The following ADGRB3 variants were observed in gnomAD, a reference collection of about 807,000 sequenced individuals.
ADGRB3 encodes adhesion G protein-coupled receptor B3, also known as brain-specific angiogenesis inhibitor 3.
In ADGRB3, 37 loss-of-function variants were observed where a neutral mutation model predicts 193.4. The observed-to-expected ratio is 0.19, with a 90% CI of 0.15 to 0.25. The LOEUF is 0.25. ADGRB3 is among the 10% of genes least tolerant of loss of function. The pLI is 1.00. For synonymous variants in ADGRB3, 690 were observed against 644.2 expected (o/e 1.07, Z -1.08); for missense variants, 1,637 against 1,852.9 (o/e 0.88, Z 2.14).
intron 3 of ADGRB3, among the ~76,000 whole-genome samples, chr6:68,666,093 T>C (rs1768792862): frequency 6.6e-6 from 1 of 151,938 alleles, no homozygotes; most frequent in Non-Finnish European, 1.5e-5. Flanking sequence ...TTGAGTGTCA[T>C]GTTCTTCATT....
At chr6:69,132,418 G>T (rs1268494138) in intron 17 of ADGRB3, among the ~76,000 whole-genome samples, 2 of 152,116 alleles carry the variant, frequency 1.3e-5, no homozygotes, top group Admixed American at 1.3e-4. Flanking sequence ...CCACATAAAT[G>T]TTTTATTTTG....
At chr6:69,342,115 C>G (rs1191635806) in intron 26 of ADGRB3, among the ~76,000 whole-genome samples, 2 of 152,028 alleles carry the variant, frequency 1.3e-5, no homozygotes, top group African/African-American at 4.8e-5. Flanking sequence ...TATTAACTGT[C>G]AAAAACAATG....
At chr6:69,359,903 T>G (rs1039736029) in intron 28 of ADGRB3, among the ~76,000 whole-genome samples, 1 of 151,890 alleles carries the variant, frequency 6.6e-6, no homozygotes, top group African/African-American at 2.4e-5. Context: ...TCAAAACTGA[T>G]GATTGTTCAT....
chr6:69,374,713 G>A (rs1769777864), intron 30 of ADGRB3, among the ~76,000 whole-genome samples: 1 of 152,046 alleles, frequency 6.6e-6, no homozygotes, highest in South Asian at 2.1e-4. Flanking sequence ...CTTGTGTTCT[G>A]TAACCAAATG....
At chr6:69,337,150 T>G (rs1255502454) in intron 24 of ADGRB3, among the ~76,000 whole-genome samples, 2 of 152,226 alleles carry the variant, frequency 1.3e-5, no homozygotes, top group Admixed American at 1.3e-4. Flanking sequence ...TTAAAATTAT[T>G]TTTTAGTAAT....
At chr6:68,881,107 G>T (rs1458876686) in intron 3 of ADGRB3, among the ~76,000 whole-genome samples, 2 of 152,080 alleles carry the variant, frequency 1.3e-5, no homozygotes, top group East Asian at 3.9e-4. Flanking sequence ...ATATTGCCTA[G>T]TGAAGAGATC....
chr6:68,998,732 T>A (rs997495061), intron 11 of ADGRB3, among the ~76,000 whole-genome samples: 1 of 152,234 alleles, frequency 6.6e-6, no homozygotes, highest in African/African-American at 2.4e-5. Flanking sequence ...AAATAATTTA[T>A]GACATTATCA....
intron 3 of ADGRB3, among the ~76,000 whole-genome samples, chr6:68,824,690 T>A (rs6910694): frequency 0.66 from 98,484 of 148,728 alleles, 32,971 homozygotes; most frequent in East Asian, 0.78. Flanking sequence ...CACCACAGTC[T>A]TTGAAAATAT....
At chr6:68,884,449 G>T (rs145471130) in intron 3 of ADGRB3, among the ~76,000 whole-genome samples, 4 of 152,266 alleles carry the variant, frequency 2.6e-5, no homozygotes, top group Middle Eastern at 3.4e-3. Flanking sequence ...GAGAGTAAGA[G>T]CTTTAGGCTG....
intron 3 of ADGRB3, among the ~76,000 whole-genome samples, chr6:68,888,542 T>C (rs11966435): frequency 2.7e-5 from 4 of 146,068 alleles, no homozygotes; most frequent in South Asian, 2.2e-4. Flanking sequence ...GGGTAATAGA[T>C]ACACACACAC....
intron 17 of ADGRB3, among the ~76,000 whole-genome samples, chr6:69,145,416 C>A (rs938102267): frequency 6.6e-6 from 1 of 152,186 alleles, no homozygotes; most frequent in East Asian, 1.9e-4. Context: ...AACTGCAGAG[C>A]CCCCAAAGGG....
chr6:68,801,472 G>C (rs1441951631), intron 3 of ADGRB3, among the ~76,000 whole-genome samples: 1 of 152,110 alleles, frequency 6.6e-6, no homozygotes, highest in African/African-American at 2.4e-5. Flanking sequence ...CAGATCACTT[G>C]AGGTCAGGAG....
At chr6:69,056,206 C>G (rs1218085166) in intron 15 of ADGRB3, among the ~76,000 whole-genome samples, 1 of 152,086 alleles carries the variant, frequency 6.6e-6, no homozygotes, top group East Asian at 1.9e-4. Flanking sequence ...TTGCATTTCT[C>G]TTATGATTAG....
rs147101769 is a variant in ADGRB3 at position 69,062,854 on chromosome 6, A to G, written c.2334-80A>G. 5,210 of 991,888 alleles carry G rather than the reference A, an allele frequency of 5.3e-3. 22 individuals are homozygous for G. Among genetic ancestry groups the G allele is most frequent in the Non-Finnish European group, 6.2e-3 (4,116 of 661,380 alleles). The allele number at this position is 991,888 out of a possible 1,614,324, so 61.4% of individuals were successfully genotyped here. ...GCTTTGGATGCATTTATTTGAAACC[A>G]TCCCAAAATGTATTGAGCAGTAGGA... On this transcript the variant is annotated intron_variant, in intron 15 of 31. Coordinates refer to ENST00000370598, the MANE Select transcript of ADGRB3 (RefSeq NM_001704.3).
intron 3 of ADGRB3, among the ~76,000 whole-genome samples, chr6:68,924,911 A>G (rs1767139181): frequency 6.6e-6 from 1 of 151,794 alleles, no homozygotes; most frequent in Admixed American, 6.6e-5. Flanking sequence ...AATATATCCC[A>G]ATATTTATTA....
At chr6:69,003,443 C>T (rs1437519189) in intron 11 of ADGRB3, among the ~76,000 whole-genome samples, 1 of 151,978 alleles carries the variant, frequency 6.6e-6, no homozygotes, top group Non-Finnish European at 1.5e-5. Context: ...ACTGAAGGGC[C>T]ATTTTGTAGT....
At chr6:69,297,108 C>G (rs1169255364) in intron 20 of ADGRB3, among the ~76,000 whole-genome samples, 9 of 152,054 alleles carry the variant, frequency 5.9e-5, no homozygotes, top group African/African-American at 2.2e-4. Flanking sequence ...ATAATGGAAA[C>G]TGCATAAGAG....
chr6:68,857,865 G>T (rs902319101), intron 3 of ADGRB3, among the ~76,000 whole-genome samples: 2 of 152,196 alleles, frequency 1.3e-5, no homozygotes, highest in Non-Finnish European at 2.9e-5. Context: ...TTGTGGGAGA[G>T]ACCCAGTGGG....
At chr6:69,057,628 G>C (rs572381885) in intron 15 of ADGRB3, among the ~76,000 whole-genome samples, 70 of 152,058 alleles carry the variant, frequency 4.6e-4, no homozygotes, top group African/African-American at 1.7e-3. Context: ...TTCATTAAGC[G>C]ATTTTATCAT....
Sources: gnomAD v4.1 joint callset for allele counts (sites outside exome capture counted in the v4.1 genomes callset) on GRCh38, gnomAD v4.1.1 for gene constraint, MANE v1.5 for transcripts, NCBI Gene and HGNC (gene_info 2026-07-23, HGNC 2026-07-21) for gene names.